CACNA1I: variants seen among roughly 807,000 people sequenced by gnomAD.
CACNA1I encodes calcium voltage-gated channel subunit alpha1 I, also known as voltage-dependent T-type calcium channel subunit alpha-1I.
A neutral mutation model predicts 201.6 loss-of-function variants in CACNA1I; 74 were observed. That is an observed-to-expected ratio of 0.37 (90% CI 0.30 to 0.45). The LOEUF (loss-of-function observed/expected upper bound fraction) is 0.45, where lower values mean the gene tolerates loss of function less well. Among genes scored for constraint, CACNA1I ranks in the 20% least tolerant of loss-of-function variants. CACNA1I has a pLI of 1.00. For synonymous variants in CACNA1I, 1,431 were observed against 1,345.2 expected (o/e 1.06, Z -1.40); for missense variants, 2,346 against 3,138.1 (o/e 0.75, Z 6.03).
At position 39,686,588 on chromosome 22, in the gene CACNA1I, C is replaced by T; in HGVS notation, c.*183C>T. The T allele has an allele frequency of 3.6e-6, 1 of 277,878 alleles. No individual in the cohort carries two copies. The highest frequency in any genetic ancestry group is 2.3e-5 in the African/African-American group (1 of 43,478). 17.2% of individuals were successfully genotyped at this position (277,878 alleles called of 1,614,324 possible). A position where few individuals can be genotyped will look rare whatever the true frequency, so the allele number is the denominator to read the frequency against. On this transcript the variant is annotated 3_prime_UTR_variant, in exon 37 of 37. Transcript: ENST00000402142. ...GCCAGGCCTGCGTGGCCCATGGTGGCCCTTCCAGTGCATATACATACATAT... is the reference window on the plus strand; with the variant it reads ...GCCAGGCCTGCGTGGCCCATGGTGGTCCTTCCAGTGCATATACATACATAT...
At chr22:39,641,572 G>A (rs1934352031) in intron 6 of CACNA1I, among the ~76,000 whole-genome samples, 1 of 152,192 alleles carries the variant, frequency 6.6e-6, no homozygotes, top group East Asian at 1.9e-4. Context: ...GGATCATGGG[G>A]TAGGAGGACA....
intron 2 of CACNA1I, among the ~76,000 whole-genome samples, chr22:39,598,810 C>A (rs528950914): frequency 6.6e-6 from 1 of 152,040 alleles, no homozygotes; most frequent in African/African-American, 2.4e-5. Context: ...CCTGACATAA[C>A]CCTGTGCAGA....
intron 1 of CACNA1I, among the ~76,000 whole-genome samples, chr22:39,576,510 C>G (rs1001024661): frequency 3.9e-5 from 6 of 152,232 alleles, no homozygotes; most frequent in Non-Finnish European, 8.8e-5. Flanking sequence ...TGGAGAAACA[C>G]CAGGTTCTCC....
intron 35 of CACNA1I, among the ~76,000 whole-genome samples, chr22:39,683,795 C>T (rs769476764): frequency 2.2e-4 from 33 of 150,744 alleles, no homozygotes; most frequent in Non-Finnish European, 4.0e-4. Flanking sequence ...GCCAGACTGA[C>T]CTGCCATCCA....
In CACNA1I at chr22:39,659,256, C is replaced by T; in HGVS notation, c.2330+140C>T. The T allele has an allele frequency of 8.9e-7, 1 of 1,125,206 alleles. No homozygotes were observed. The highest frequency in any genetic ancestry group is 1.3e-6 in the Non-Finnish European group (1 of 785,270). The allele number at this position is 1,125,206 out of a possible 1,614,324, so 69.7% of individuals were successfully genotyped here. On this transcript the variant is annotated intron_variant, in intron 12 of 36. Coordinates refer to ENST00000402142, the MANE Select transcript of CACNA1I (RefSeq NM_021096.4). This position sits in a 1 kb window ranked among gnomAD's most constrained non-coding sequence, Gnocchi z 4.3. Reference sequence around the variant, plus strand: ...AAGCCTGACACTGTTCCTCAGTCCCCTGTGGCTTTCAGCAAGCATGAACCC... The same window carrying T: ...AAGCCTGACACTGTTCCTCAGTCCCTTGTGGCTTTCAGCAAGCATGAACCC...
chr22:39,630,915 G>A (rs1444848120), intron 4 of CACNA1I, among the ~76,000 whole-genome samples: 1 of 152,172 alleles, frequency 6.6e-6, no homozygotes. Flanking sequence ...GCAGGGCTGG[G>A]GAGTGGGGAT....
chr22:39,652,285 C>T (rs1023747557), intron 10 of CACNA1I, among the ~76,000 whole-genome samples: 2 of 152,172 alleles, frequency 1.3e-5, no homozygotes, highest in Non-Finnish European at 1.5e-5. Flanking sequence ...CATGAGCCAC[C>T]GTGCCCAGCC....
Position 39,658,921 on chromosome 22 carries a change from G to A in CACNA1I, c.2145-10G>A, listed in dbSNP as rs773125572. ...TACCTGTACCCTGGGCCTGCCCTGC[G>A]GGACCGCAGCATCTGGGAGATTGTG... On this transcript the variant is annotated splice_polypyrimidine_tract_variant and intron_variant, in intron 11 of 36. Coordinates refer to ENST00000402142, the MANE Select transcript of CACNA1I (RefSeq NM_021096.4). The A allele has an allele frequency of 1.3e-6, 2 of 1,582,128 alleles. No homozygotes were observed. Among genetic ancestry groups the A allele is most frequent in the Non-Finnish European group, 8.6e-7 (1 of 1,167,134 alleles).
At chr22:39,683,176 G>C (rs987103171) in intron 35 of CACNA1I, among the ~76,000 whole-genome samples, 10 of 152,206 alleles carry the variant, frequency 6.6e-5, no homozygotes, top group African/African-American at 2.4e-4. Flanking sequence ...CCTGTGGCTG[G>C]GCTCTGGGCA....
chr22:39,678,249 C>A, intron 31 of CACNA1I, 141 bp downstream of exon 31: 1 of 980,882 alleles, frequency 1.0e-6, no homozygotes, highest in Non-Finnish European at 1.5e-6. Flanking sequence ...AGTGGAGGGG[C>A]CTGCCCAGGA....
intron 4 of CACNA1I, among the ~76,000 whole-genome samples, chr22:39,634,339 G>T (rs567060561): frequency 7.9e-5 from 12 of 152,300 alleles, no homozygotes; most frequent in African/African-American, 2.9e-4. Context: ...TCACAATCTA[G>T]TGTAAGTGGA....
chr22:39,618,450 C>T (rs1045928285), intron 3 of CACNA1I, among the ~76,000 whole-genome samples: 3 of 151,622 alleles, frequency 2.0e-5, no homozygotes, highest in South Asian at 2.1e-4. Context: ...TGTGACTGTG[C>T]GTGTGTGCAC....
chr22:39,609,662 G>A (rs1015860058), intron 3 of CACNA1I, among the ~76,000 whole-genome samples: 3 of 152,196 alleles, frequency 2.0e-5, no homozygotes, highest in African/African-American at 7.2e-5. Context: ...TGGGTCTGAT[G>A]GACACCTGAG....
At position 39,687,547 on chromosome 22, in the gene CACNA1I, AG is replaced by A. The variant is rs1935923842; in HGVS notation, c.*1146del. ...AAGCAGCTCTGACCGAATTCTAGGC[AG>A]GGGTGGGGGCACCTGCCTGGGCCCT... is the stretch of plus-strand genomic sequence containing the variant. On this transcript the variant is annotated 3_prime_UTR_variant, in exon 37 of 37. Coordinates refer to ENST00000402142, the MANE Select transcript of CACNA1I (RefSeq NM_021096.4). 1 of 152,204 alleles carries A rather than the reference AG, an allele frequency of 6.6e-6. No individual in the cohort carries two copies. The highest frequency in any genetic ancestry group is 6.5e-5 in the Admixed American group (1 of 15,278). 9.4% of individuals were successfully genotyped at this position (152,204 alleles called of 1,614,324 possible).
chr22:39,578,631 C>T (rs1016369161), intron 1 of CACNA1I, among the ~76,000 whole-genome samples: 1 of 151,930 alleles, frequency 6.6e-6, no homozygotes, highest in Non-Finnish European at 1.5e-5. Context: ...GGTTTGTCTG[C>T]TGTCAAGTGC....
intron 4 of CACNA1I, among the ~76,000 whole-genome samples, chr22:39,626,825 G>C (rs1933912547): frequency 6.6e-6 from 1 of 152,180 alleles, no homozygotes; most frequent in African/African-American, 2.4e-5. Context: ...TTGATCTCTG[G>C]ACCTTGAGAT....
rs199679467 is a variant in CACNA1I at position 39,585,163 on chromosome 22, G to A, written c.237-12988G>A. On this transcript the variant is annotated intron_variant, in intron 1 of 36. Transcript: ENST00000402142. ...CAACCTCTGCCTCCTGGGTTCAAGC[G>A]ATTCTCCTGCCTCAGCCTCACAAGT... is the stretch of plus-strand genomic sequence containing the variant. 1.4e-4 allele frequency among the ~76,000 whole-genome samples: 22 copies of A among 152,230 alleles called. No homozygotes were observed. The East Asian group carries it at 3.9e-3, about 27-fold the overall frequency.
intron 17 of CACNA1I, 81 bp from the exon 18 acceptor site, chr22:39,662,695 A>G: frequency 9.6e-7 from 1 of 1,041,616 alleles, no homozygotes; most frequent in Non-Finnish European, 1.4e-6. Flanking sequence ...CTGCGACCCC[A>G]GTTGGCGCGA....
In CACNA1I at chr22:39,584,607, A is replaced by G. The variant is rs574207507; in HGVS notation, c.237-13544A>G. Among the ~76,000 whole-genome samples, 5 of 152,280 alleles carry G rather than the reference A, an allele frequency of 3.3e-5. No homozygotes were observed. In the East Asian group the frequency reaches 7.7e-4, roughly 23 times the overall value. On this transcript the variant is annotated intron_variant, in intron 1 of 36. Coordinates refer to ENST00000402142, the MANE Select transcript of CACNA1I (RefSeq NM_021096.4). ...CCAGCATTTAAGTGACAGAACCACA[A>G]AGTGGGAGGAAGACAAGTCTAGGGG...
Sources: gnomAD v4.1 joint callset for allele counts (sites outside exome capture counted in the v4.1 genomes callset) on GRCh38, gnomAD v4.1.1 for gene constraint, Gnocchi (gnomAD v3.1) non-coding constraint, MANE v1.5 for transcripts, NCBI Gene and HGNC (gene_info 2026-07-23, HGNC 2026-07-21) for gene names.